The following CNTNAP4 variants were observed in gnomAD, a reference collection of about 807,000 sequenced individuals.
CNTNAP4 encodes the protein contactin-associated protein-like 4.
CNTNAP4 carries 98 observed loss-of-function variants against 148.4 expected under a neutral mutation model. The ratio of observed to expected loss-of-function variants is 0.66; its 90% CI spans 0.56 to 0.78. CNTNAP4 has a LOEUF of 0.78. Ranked by LOEUF, CNTNAP4 falls within the 30% of genes least tolerant of loss-of-function variation. CNTNAP4 has a pLI of 0.00. For synonymous variants in CNTNAP4, 730 were observed against 565.1 expected, an observed-to-expected ratio of 1.29 and a Z score of -4.14; for missense variants, 1,935 against 1,565.6, an observed-to-expected ratio of 1.24 and a Z score of -3.98.
chr16:76,329,197 T>A (rs987221013), intron 2 of CNTNAP4, among the ~76,000 whole-genome samples: 1 of 152,088 alleles, frequency 6.6e-6, no homozygotes, highest in African/African-American at 2.4e-5. Context: ...AATGCAAAAA[T>A]TAATATGGAC....
chr16:76,289,009 T>G (rs1021722990), intron 1 of CNTNAP4, among the ~76,000 whole-genome samples: 1 of 152,194 alleles, frequency 6.6e-6, no homozygotes, highest in Non-Finnish European at 1.5e-5. Flanking sequence ...GTACATATTC[T>G]CCTGGTCAAC....
At chr16:76,413,011 G>A (rs2078852321) in intron 3 of CNTNAP4, among the ~76,000 whole-genome samples, 1 of 151,104 alleles carries the variant, frequency 6.6e-6, no homozygotes, top group Non-Finnish European at 1.5e-5. Context: ...ATTTTTTATG[G>A]GTATGTGAAA....
chr16:76,548,930 A>G lies in CNTNAP4; in HGVS notation c.3443-4353A>G, dbSNP rs528134112. 7.2e-5 allele frequency among the ~76,000 whole-genome samples: 11 copies of G among 152,314 alleles called. No homozygotes were observed. The East Asian group carries it at 1.9e-3, about 27-fold the overall frequency. On this transcript the variant is annotated intron_variant, in intron 21 of 23. Coordinates refer to ENST00000611870, the MANE Select transcript of CNTNAP4 (RefSeq NM_033401.5). ...CTAAGGCCAGCTTTGCTTATGAGCA[A>G]CTTAATATAGCTGCTAATTTTGTTT...
chr16:76,283,210 A>G (rs574073298), intron 1 of CNTNAP4, among the ~76,000 whole-genome samples: 1 of 152,022 alleles, frequency 6.6e-6, no homozygotes. Flanking sequence ...TCTTGTTTAA[A>G]TACTATGTTT....
intron 1 of CNTNAP4, among the ~76,000 whole-genome samples, chr16:76,308,876 G>T (rs745763664): frequency 5.5e-4 from 84 of 152,126 alleles, no homozygotes; most frequent in Non-Finnish European, 5.3e-4. Flanking sequence ...CCAGGCTGGT[G>T]TGCAGTGGTG....
intron 10 of CNTNAP4, among the ~76,000 whole-genome samples, chr16:76,472,790 T>C (rs1423199348): frequency 6.6e-6 from 1 of 152,146 alleles, no homozygotes; most frequent in African/African-American, 2.4e-5. Flanking sequence ...CAACACTTAC[T>C]GGGACTTACT....
chr16:76,496,155 G>T (rs140389241), intron 14 of CNTNAP4, among the ~76,000 whole-genome samples: 1 of 150,054 alleles, frequency 6.7e-6, no homozygotes, highest in Non-Finnish European at 1.5e-5. Context: ...TACATGTTTG[G>T]TATGAAGAAT....
chr16:76,480,097 C>T (rs2081762896), intron 12 of CNTNAP4, among the ~76,000 whole-genome samples: 1 of 151,936 alleles, frequency 6.6e-6, no homozygotes, highest in South Asian at 2.1e-4. Context: ...CCATTCTCGT[C>T]ACCATTGTAT....
chr16:76,288,882 T>A (rs1028576960), intron 1 of CNTNAP4, among the ~76,000 whole-genome samples: 1 of 152,182 alleles, frequency 6.6e-6, no homozygotes, highest in Non-Finnish European at 1.5e-5. Flanking sequence ...ACGTCCTTTT[T>A]ATTTAGGATC....
At chr16:76,304,004 C>A (rs978021598) in intron 1 of CNTNAP4, among the ~76,000 whole-genome samples, 1 of 152,050 alleles carries the variant, frequency 6.6e-6, no homozygotes, top group African/African-American at 2.4e-5. Flanking sequence ...TTATTCAGTT[C>A]ACTTTTATTC....
chr16:76,342,944 T>G (rs1189010462), intron 2 of CNTNAP4, among the ~76,000 whole-genome samples: 1 of 152,186 alleles, frequency 6.6e-6, no homozygotes, highest in Admixed American at 6.5e-5. Context: ...ACTGTAGCTC[T>G]CATCACGAAT....
chr16:76,560,730 A>G lies in CNTNAP4; in HGVS notation c.*2047A>G, dbSNP rs907678836. On this transcript the variant is annotated 3_prime_UTR_variant, in exon 24 of 24. Coordinates refer to ENST00000611870, the MANE Select transcript of CNTNAP4 (RefSeq NM_033401.5). Reference sequence around the variant, plus strand: ...CTGATTTGTAATCTCTTATTTTATCATTAATAAAATGCATTTTTGAACTAA... The same window carrying G: ...CTGATTTGTAATCTCTTATTTTATCGTTAATAAAATGCATTTTTGAACTAA... Among the ~76,000 whole-genome samples, 8 of 152,306 alleles carry G rather than the reference A, an allele frequency of 5.3e-5. No individual in the cohort carries two copies. The East Asian group carries it at 1.5e-3, about 29-fold the overall frequency.
At chr16:76,352,205 C>T (rs924282372) in intron 2 of CNTNAP4, among the ~76,000 whole-genome samples, 2 of 152,072 alleles carry the variant, frequency 1.3e-5, no homozygotes, top group Admixed American at 6.6e-5. Context: ...ATTCAAGATG[C>T]TTGATTAGTA....
chr16:76,535,479 T>G, intron 17 of CNTNAP4, 66 bp from the exon 18 acceptor site: 1 of 1,554,824 alleles, frequency 6.4e-7, no homozygotes, highest in Non-Finnish European at 8.7e-7. Flanking sequence ...CTCAGTTTTG[T>G]TTGGTCTTTA....
chr16:76,500,367 T>C (rs12925833), intron 15 of CNTNAP4, among the ~76,000 whole-genome samples: 127,630 of 152,262 alleles, frequency 0.84, 54,385 homozygotes, highest in East Asian at 0.97. Context: ...GATGGCAAAC[T>C]TTGTTAAGGT....
intron 1 of CNTNAP4, among the ~76,000 whole-genome samples, chr16:76,293,816 C>T (rs530864226): frequency 6.9e-6 from 1 of 144,956 alleles, no homozygotes; most frequent in Non-Finnish European, 1.5e-5. Flanking sequence ...TAAGAACAAG[C>T]TGCTTTTTTT....
At chr16:76,325,239 A>G (rs1392117011) in intron 2 of CNTNAP4, among the ~76,000 whole-genome samples, 2 of 152,200 alleles carry the variant, frequency 1.3e-5, no homozygotes, top group Non-Finnish European at 2.9e-5. Context: ...AATGAAAATA[A>G]AGATTTGAAC....
At chr16:76,313,679 C>T (rs577446718) in intron 1 of CNTNAP4, among the ~76,000 whole-genome samples, 36 of 152,154 alleles carry the variant, frequency 2.4e-4, no homozygotes, top group Middle Eastern at 3.4e-3. Flanking sequence ...TGAATGAAAA[C>T]GAGACAATCT....
At chr16:76,543,162 C>T (rs376000922) in intron 21 of CNTNAP4, among the ~76,000 whole-genome samples, 6 of 152,226 alleles carry the variant, frequency 3.9e-5, no homozygotes, top group African/African-American at 1.4e-4. Flanking sequence ...TTTATGGTCT[C>T]AGTCAACTGA....
Sources: gnomAD v4.1 joint callset for allele counts (sites outside exome capture counted in the v4.1 genomes callset) on GRCh38, gnomAD v4.1.1 for gene constraint, MANE v1.5 for transcripts, NCBI Gene and HGNC (gene_info 2026-07-23, HGNC 2026-07-21) for gene names.